EIF3A: variants seen among roughly 807,000 people sequenced by gnomAD.
The protein encoded by EIF3A is eukaryotic translation initiation factor 3 subunit A, also known as EIF3, p180 subunit.
Under a neutral mutation model 186.6 loss-of-function variants are expected in EIF3A, and 21 were observed. That is an observed-to-expected ratio of 0.11 (90% confidence interval 0.08 to 0.16). The LOEUF (loss-of-function observed/expected upper bound fraction) is 0.16, where lower values mean the gene tolerates loss of function less well. EIF3A is among the 10% of genes least tolerant of loss of function. The pLI, the probability that EIF3A is intolerant of heterozygous loss-of-function variation, is 1.00. For missense variants in EIF3A, 1,306 were observed against 1,796.3 expected (o/e 0.73, Z 4.93); for synonymous variants, 563 against 584.3 (o/e 0.96, Z 0.52).
chr10:119,052,399 T>TGTGTGTGTG (rs1554870363), intron 14 of EIF3A, among the ~76,000 whole-genome samples: 3 of 149,176 alleles, frequency 2.0e-5, no homozygotes, highest in South Asian at 2.1e-4. Flanking sequence ...TGTGTGTGTG[T>TGTGTGTGTG]TTTAAGACAG....
intron 21 of EIF3A, 98 bp downstream of exon 21, chr10:119,037,021 G>A (rs933030476): frequency 3.7e-6 from 3 of 816,690 alleles, no homozygotes; most frequent in Non-Finnish European, 4.0e-6. Context: ...CTTATTGTTG[G>A]CCTTCATACA....
intron 1 of EIF3A, among the ~76,000 whole-genome samples, chr10:119,076,924 A>T: frequency 7.6e-6 from 1 of 131,904 alleles, no homozygotes. Context: ...CAATAGAGGG[A>T]GAGACTCTGT....
chr10:119,060,182 T>C (rs751385648), intron 9 of EIF3A: 1 of 495,336 alleles, frequency 2.0e-6, no homozygotes, highest in Non-Finnish European at 3.9e-6. Context: ...CCTTCCCAAA[T>C]GCAACAAATG....
chr10:119,070,931 G>A lies in EIF3A; in HGVS notation c.696C>T (p.Thr232=), dbSNP rs777296708. The change falls in exon 5 of 22, where the codon ACC becomes ACT. Residue 232 remains threonine (T), a synonymous_variant. Transcript: ENST00000369144. ...NPESQSMHLE[T]RLVQLDSAIS... is the part of the protein sequence containing the mutation. ...TAGCACTGTCCAGCTGAACAAGTCT[G>A]GTTTCCAAATGCATGGACTGGCTCT... 2 of 1,613,984 alleles carry A rather than the reference G, an allele frequency of 1.2e-6. No individual in the cohort carries two copies. The highest frequency in any genetic ancestry group is 1.7e-5 in the Admixed American group (1 of 60,012).
At chr10:119,049,716 C>T in intron 17 of EIF3A, 85 bp downstream of exon 17, 1 of 1,251,592 alleles carries the variant, frequency 8.0e-7, no homozygotes, top group South Asian at 1.4e-5. Context: ...GCCTGGGCAA[C>T]CTGGGCGACA....
intron 17 of EIF3A, among the ~76,000 whole-genome samples, chr10:119,046,657 CTT>C (rs1848286424): frequency 6.6e-6 from 1 of 152,080 alleles, no homozygotes; most frequent in Admixed American, 6.6e-5. Context: ...TTTTTAAAAA[CTT>C]AGGAAAAAAT....
chr10:119,058,874 C>T lies in EIF3A; in HGVS notation c.1629+338G>A, dbSNP rs561452845. ...CTCCAGCCTGGGTGAGAGTGAGACT[C>T]CATCTCAAAAAAGAAAAAAAAGAAA... On this transcript the variant is annotated intron_variant, in intron 11 of 21. Transcript: ENST00000369144. 3.3e-5 allele frequency among the ~76,000 whole-genome samples: 5 copies of T among 152,130 alleles called. No individual in the cohort carries two copies. The East Asian group carries it at 5.8e-4, about 18-fold the overall frequency.
chr10:119,056,373 G>T (rs1843783670), intron 14 of EIF3A, among the ~76,000 whole-genome samples: 1 of 152,148 alleles, frequency 6.6e-6, no homozygotes, highest in Admixed American at 6.6e-5. Flanking sequence ...GATGACTACT[G>T]CTAATGGGTT....
Position 119,042,559 on chromosome 10 carries a change from A to G in EIF3A, c.2961T>C (p.Pro987=), listed in dbSNP as rs1848224373. The part of the protein sequence containing the change: ...FSRRGADDDR[P]SWRNTDDDRP... ...TGTCATCATCTGTGTTACGCCAGGA[A>G]GGCCGGTCATCGTCTGCCCCACGAC... The change falls in exon 19 of 22, where the codon CCT becomes CCC. Residue 987 remains proline (P), a synonymous_variant. Coordinates refer to ENST00000369144, the MANE Select transcript of EIF3A (RefSeq NM_003750.4). The surrounding 1 kb of genome is among the most constrained non-coding windows in gnomAD (Gnocchi z 7.8). The G allele has an allele frequency of 6.2e-7, 1 of 1,613,962 alleles. No homozygotes were observed. The highest frequency in any genetic ancestry group is 1.1e-5 in the South Asian group (1 of 91,076).
In EIF3A at chr10:119,060,803, T is replaced by A; in HGVS notation, c.1269A>T (p.Glu423Asp). 1 of 1,612,524 alleles carries A rather than the reference T, an allele frequency of 6.2e-7. No individual in the cohort carries two copies. The highest frequency in any genetic ancestry group is 8.5e-7 in the Non-Finnish European group (1 of 1,179,342). ...GCAGTTGTGGCACATACTGCTGCAA[T>A]TCCGGTTCCTTTTCAGGTTGTTCCC... ...WVREQPEKEP[E>D]LQQYVPQLQN... The change falls in exon 9 of 22, where the codon GAA becomes GAT. Residue 423 changes from glutamate (E) to aspartate (D), a missense_variant. Transcript: ENST00000369144.
Position 119,056,828 on chromosome 10 carries a change from C to T in EIF3A, c.2108G>A (p.Arg703His), listed in dbSNP as rs1389724057. 4 of 1,613,498 alleles carry T rather than the reference C, an allele frequency of 2.5e-6. No individual in the cohort carries two copies. The highest frequency in any genetic ancestry group is 3.4e-6 in the Non-Finnish European group (4 of 1,179,590). ...CTTTATCAAAGGAATTTCTTCCAAA[C>T]GTTTGGCTCTTTCAAAATAGTCAAT... ...KKIDYFERAKRLEEIPLIKSA... is the reference protein window; with the variant it reads ...KKIDYFERAKHLEEIPLIKSA... Residue 703 changes from arginine to histidine, a missense_variant, in exon 14 of 22, where the codon CGT becomes CAT. Arg to His is a conservative substitution (Grantham distance 29). Coordinates refer to ENST00000369144, the MANE Select transcript of EIF3A (RefSeq NM_003750.4).
chr10:119,069,779 TCTC>T (rs1844041846), intron 5 of EIF3A, 125 bp from the exon 6 acceptor site: 1 of 620,552 alleles, frequency 1.6e-6, no homozygotes. Flanking sequence ...TTTGTGTGGT[TCTC>T]TTTACTCATG....
intron 7 of EIF3A, among the ~76,000 whole-genome samples, chr10:119,062,205 A>G (rs967824288): frequency 6.7e-6 from 1 of 148,466 alleles, no homozygotes; most frequent in East Asian, 2.0e-4. Context: ...CCTTTAAGAG[A>G]AAAAAAAAAA....
chr10:119,048,688 CT>C (rs1052465174), intron 17 of EIF3A, among the ~76,000 whole-genome samples: 56 of 150,252 alleles, frequency 3.7e-4, no homozygotes, highest in African/African-American at 1.3e-3. Flanking sequence ...TTTTTTTCCC[CT>C]GAGACAGAGT....
chr10:119,054,658 C>T (rs1276018678), intron 14 of EIF3A, among the ~76,000 whole-genome samples: 1 of 149,466 alleles, frequency 6.7e-6, no homozygotes, highest in Non-Finnish European at 1.5e-5. Context: ...AACTGGGAGG[C>T]GGAGGCTGCA....
At chr10:119,057,174 A>G in intron 12 of EIF3A, 134 bp from the exon 13 acceptor site, 1 of 607,280 alleles carries the variant, frequency 1.6e-6, no homozygotes, top group South Asian at 2.1e-5. Context: ...AAATGTAAAA[A>G]TATTATACAA....
At chr10:119,039,626 C>A (rs576011555) in intron 19 of EIF3A, among the ~76,000 whole-genome samples, 3 of 152,104 alleles carry the variant, frequency 2.0e-5, no homozygotes, top group Non-Finnish European at 2.9e-5. Context: ...TCTGAGATCA[C>A]GCCACTGCAC....
At chr10:119,055,295 C>A (rs1356716232) in intron 14 of EIF3A, among the ~76,000 whole-genome samples, 3 of 152,120 alleles carry the variant, frequency 2.0e-5, no homozygotes, top group Admixed American at 2.0e-4. Flanking sequence ...AATGGCCAGT[C>A]GGTAGAACAG....
chr10:119,073,633 T>C (rs1016194150), intron 2 of EIF3A, 56 bp from the exon 3 acceptor site: 8 of 1,584,288 alleles, frequency 5.0e-6, no homozygotes, highest in Non-Finnish European at 6.9e-6. Flanking sequence ...AACCATAAGA[T>C]GTTTTAAAGG....
Sources: gnomAD v4.1 joint callset for allele counts (sites outside exome capture counted in the v4.1 genomes callset) on GRCh38, gnomAD v4.1.1 for gene constraint, Gnocchi (gnomAD v3.1) non-coding constraint, MANE v1.5 for transcripts, NCBI Gene and HGNC (gene_info 2026-07-23, HGNC 2026-07-21) for gene names.